The following DMD variants were observed in gnomAD, a reference collection of about 807,000 sequenced individuals.
DMD encodes the protein dystrophin, also known as mutant dystrophin.
A neutral mutation model predicts 330.1 loss-of-function variants in DMD; 63 were observed. The ratio of observed to expected loss-of-function variants is 0.19; its 90% CI spans 0.16 to 0.24. DMD has a LOEUF of 0.24. Ranked by LOEUF, DMD falls within the 10% of genes least tolerant of loss-of-function variation. DMD has a pLI of 1.00. For synonymous variants in DMD, 1,223 were observed against 959.8 expected (o/e 1.27, Z -5.07); for missense variants, 3,344 against 2,684.1 (o/e 1.25, Z -5.43).
chrX:33,082,765 A>G (rs745558992), intron 1 of DMD, among the ~76,000 whole-genome samples: 135 of 112,140 alleles, frequency 1.2e-3, no homozygotes, highest in African/African-American at 4.3e-3. Flanking sequence ...TAAGGACACA[A>G]AACAAGACAG....
intron 1 of DMD, among the ~76,000 whole-genome samples, chrX:33,108,407 A>G (rs894069493): frequency 9.1e-6 from 1 of 110,166 alleles, no homozygotes; most frequent in Non-Finnish European, 1.9e-5. Flanking sequence ...AGCTGGGATT[A>G]AAGGCATGTG....
intron 54 of DMD, among the ~76,000 whole-genome samples, chrX:31,652,667 A>G (rs2080527875): frequency 9.0e-6 from 1 of 111,638 alleles, no homozygotes; most frequent in Admixed American, 9.6e-5. Flanking sequence ...AGCAGAGTTG[A>G]CCAACAGGAT....
chrX:32,450,509 A>AC (rs1359716341), intron 26 of DMD, among the ~76,000 whole-genome samples: 1 of 110,863 alleles, frequency 9.0e-6, no homozygotes, highest in Non-Finnish European at 1.9e-5. Context: ...AAGTTTGATT[A>AC]CCATTCATCA....
At chrX:31,985,648 G>T (rs913037051) in intron 44 of DMD, among the ~76,000 whole-genome samples, 1 of 112,350 alleles carries the variant, frequency 8.9e-6, no homozygotes, top group Non-Finnish European at 1.9e-5. Flanking sequence ...TTTATTGAGC[G>T]CATTGCATCC....
intron 45 of DMD, among the ~76,000 whole-genome samples, chrX:31,951,120 T>TAC (rs200655640): frequency 0.083 from 6,301 of 75,949 alleles, 296 homozygotes; most frequent in Non-Finnish European, 0.12. Flanking sequence ...ACTATATATA[T>TAC]ACATATATAT....
intron 44 of DMD, among the ~76,000 whole-genome samples, chrX:32,014,653 T>A (rs933901658): frequency 8.9e-6 from 1 of 111,855 alleles, no homozygotes; most frequent in Non-Finnish European, 1.9e-5. Flanking sequence ...CCAGTTAGAA[T>A]CTTCACATAG....
intron 44 of DMD, among the ~76,000 whole-genome samples, chrX:32,037,207 G>A (rs1162823533): frequency 8.9e-6 from 1 of 112,012 alleles, no homozygotes; most frequent in Non-Finnish European, 1.9e-5. Context: ...TAGAATATGG[G>A]ATCAATCTCT....
chrX:32,863,796 G>T (rs894508119), intron 2 of DMD, among the ~76,000 whole-genome samples: 2 of 111,811 alleles, frequency 1.8e-5, no homozygotes, highest in Non-Finnish European at 3.8e-5. Context: ...CGGTGCAGTT[G>T]TGTATGGACA....
chrX:31,355,861 A>G (rs886655149), intron 60 of DMD, among the ~76,000 whole-genome samples: 3 of 92,634 alleles, frequency 3.2e-5, no homozygotes, highest in Non-Finnish European at 4.3e-5. Flanking sequence ...GTTGTAACTG[A>G]AAAAATAATA....
intron 1 of DMD, among the ~76,000 whole-genome samples, chrX:33,276,296 G>A (rs887471509): frequency 1.8e-5 from 2 of 111,016 alleles, no homozygotes; most frequent in East Asian, 2.8e-4. Context: ...AACACATGAA[G>A]AGGCTGGAGT....
At chrX:31,489,139 TTTTG>T (rs375085424) in intron 57 of DMD, among the ~76,000 whole-genome samples, 3 of 111,555 alleles carry the variant, frequency 2.7e-5, no homozygotes, top group South Asian at 3.8e-4. Flanking sequence ...CTCACACAGG[TTTTG>T]TTTGTTTGTT....
rs758669997 is a variant in DMD at position 32,941,043 on chromosome X, GA to G, written c.93+79095del. ...ACATACAAGTAGCCTACAAGCATATGAAAAAATGCTGAATAACATTAATTGT... is the reference window on the plus strand; with the variant it reads ...ACATACAAGTAGCCTACAAGCATATGAAAAATGCTGAATAACATTAATTGT... On this transcript the variant is annotated intron_variant, in intron 2 of 78. Coordinates refer to ENST00000357033, the MANE Select transcript of DMD (RefSeq NM_004006.3). Among the ~76,000 whole-genome samples the G allele has an allele frequency of 4.5e-5, 5 of 111,829 alleles. No individual in the cohort carries two copies. In the South Asian group the frequency reaches 1.9e-3, roughly 42 times the overall value.
chrX:32,072,695 C>T (rs1459991943), intron 44 of DMD, among the ~76,000 whole-genome samples: 3 of 111,312 alleles, frequency 2.7e-5, no homozygotes, highest in Admixed American at 9.6e-5. Flanking sequence ...CTGGTGTGCC[C>T]GATATTCTAG....
intron 41 of DMD, among the ~76,000 whole-genome samples, chrX:32,339,191 T>G (rs1316275195): frequency 9.0e-6 from 1 of 111,400 alleles, no homozygotes; most frequent in Non-Finnish European, 1.9e-5. Flanking sequence ...AGTTTATCCC[T>G]GATCATACAG....
chrX:31,387,526 A>G (rs1157513887), intron 60 of DMD, among the ~76,000 whole-genome samples: 2 of 110,918 alleles, frequency 1.8e-5, no homozygotes, highest in Admixed American at 9.6e-5. Context: ...CAGCCTCCCA[A>G]GTAGCCGGGA....
At chrX:32,191,650 T>C (rs1157915934) in intron 44 of DMD, among the ~76,000 whole-genome samples, 1 of 111,553 alleles carries the variant, frequency 9.0e-6, no homozygotes, top group African/African-American at 3.3e-5. Flanking sequence ...TCCCCACGGA[T>C]AGCAAATCCA....
At chrX:32,779,394 C>T (rs1381147244) in intron 7 of DMD, among the ~76,000 whole-genome samples, 1 of 110,349 alleles carries the variant, frequency 9.1e-6, no homozygotes, top group Non-Finnish European at 1.9e-5. Context: ...AGTCTTTTGT[C>T]GCACATTCCC....
chrX:32,844,998 C>G lies in DMD; in HGVS notation c.187-138G>C, dbSNP rs1307038970. On this transcript the variant is annotated intron_variant, in intron 3 of 78. Transcript: ENST00000357033. The stretch of plus-strand genomic sequence containing the variant: ...CCTGTGAGGCATTAATATAATGAAT[C>G]TAAATACTTTGCGCTAATTGTCCTT... 5.9e-5 allele frequency: 33 copies of G among 555,083 alleles called. No individual in the cohort carries two copies. In the East Asian group the frequency reaches 9.7e-4, roughly 16 times the overall value. The allele number at this position is 555,083 out of a possible 1,213,427, so 45.7% of individuals were successfully genotyped here. A position where few individuals can be genotyped will look rare whatever the true frequency, so the allele number is the denominator to read the frequency against.
At chrX:32,642,339 C>T (rs981178424) in intron 11 of DMD, among the ~76,000 whole-genome samples, 2 of 112,122 alleles carry the variant, frequency 1.8e-5, no homozygotes, top group Non-Finnish European at 3.8e-5. Context: ...AAAGCTATAC[C>T]AGCTAGAAGG....
Sources: gnomAD v4.1 joint callset for allele counts (sites outside exome capture counted in the v4.1 genomes callset) on GRCh38, gnomAD v4.1.1 for gene constraint, MANE v1.5 for transcripts, NCBI Gene and HGNC (gene_info 2026-07-23, HGNC 2026-07-21) for gene names.